The following ARID4B variants were observed in gnomAD, a reference collection of about 807,000 sequenced individuals.
ARID4B encodes AT-rich interaction domain 4B.
A neutral mutation model predicts 147.5 loss-of-function variants in ARID4B; 26 were observed. The observed-to-expected ratio is 0.18, with a 90% confidence interval of 0.13 to 0.24. The LOEUF (loss-of-function observed/expected upper bound fraction) is 0.24. Among genes scored for constraint, ARID4B ranks in the 10% least tolerant of loss-of-function variants. The pLI, the probability that ARID4B is intolerant of heterozygous loss-of-function variation, is 1.00. For synonymous variants in ARID4B, 512 were observed against 507.9 expected, an observed-to-expected ratio of 1.01 and a Z score of -0.11; for missense variants, 1,179 against 1,511.5, an observed-to-expected ratio of 0.78 and a Z score of 3.65.
Position 235,178,734 on chromosome 1 carries a change from T to A in ARID4B, c.3335-821A>T, listed in dbSNP as rs146836298. Among the ~76,000 whole-genome samples the A allele has an allele frequency of 2.9e-3, 448 of 152,266 alleles. 1 individual carries two copies. Among genetic ancestry groups the A allele is most frequent in the Non-Finnish European group, 4.3e-3 (293 of 68,018 alleles). On this transcript the variant is annotated intron_variant, in intron 20 of 23. Transcript: ENST00000264183. Reference sequence around the variant, plus strand: ...AAAGTAAGATTTTTTCTCCAGAGACTAATAAAGTACTATCTCCATTCAGTT... The same window carrying A: ...AAAGTAAGATTTTTTCTCCAGAGACAAATAAAGTACTATCTCCATTCAGTT...
Position 235,219,798 on chromosome 1 carries a change from T to C in ARID4B, c.1578A>G (p.Lys526=), listed in dbSNP as rs1404857340. 6.3e-7 allele frequency: 1 copy of C among 1,596,132 alleles called. No homozygotes were observed. Among genetic ancestry groups the C allele is most frequent in the East Asian group, 2.2e-5 (1 of 44,528 alleles). The change falls in exon 16 of 24, where the codon AAA becomes AAG. Residue 526 remains lysine, a synonymous_variant. Transcript: ENST00000264183. ...IKVEAEEEKA[K]SGDETNKEED... Reference sequence around the variant, plus strand: ...ACCAAAAACAATTTTCTTACCCAGATTTTGCTTTTTCTTCCTCAGCTTCTA... The same window carrying C: ...ACCAAAAACAATTTTCTTACCCAGACTTTGCTTTTTCTTCCTCAGCTTCTA...
chr1:235,303,485 G>GAA (rs1673331878), intron 2 of ARID4B, among the ~76,000 whole-genome samples: 1 of 151,528 alleles, frequency 6.6e-6, no homozygotes, highest in Admixed American at 6.6e-5. Context: ...GCACTTTGAG[G>GAA]GGCCAAGGCA....
chr1:235,246,756 A>G (rs543796988), intron 6 of ARID4B, among the ~76,000 whole-genome samples: 2 of 152,314 alleles, frequency 1.3e-5, no homozygotes, highest in East Asian at 1.9e-4. Context: ...TAGATGATTC[A>G]TTACCTATGT....
At chr1:235,320,985 T>G (rs1286184012) in intron 2 of ARID4B, among the ~76,000 whole-genome samples, 1 of 152,228 alleles carries the variant, frequency 6.6e-6, no homozygotes, top group Non-Finnish European at 1.5e-5. Context: ...TAGCATTATT[T>G]TTTTTCTTAA....
intron 7 of ARID4B, 90 bp from the exon 8 acceptor site, chr1:235,240,541 T>TA (rs1340149394): frequency 5.6e-5 from 69 of 1,234,114 alleles, no homozygotes; most frequent in Non-Finnish European, 7.9e-5. Flanking sequence ...AAACTCTTAT[T>TA]ACATTTCCTA....
intron 2 of ARID4B, among the ~76,000 whole-genome samples, chr1:235,266,299 T>C (rs898302123): frequency 3.3e-5 from 5 of 152,134 alleles, no homozygotes; most frequent in African/African-American, 1.2e-4. Flanking sequence ...CCCTGATAAA[T>C]ATGCATGTCT....
At chr1:235,268,017 G>A (rs1670730088) in intron 2 of ARID4B, among the ~76,000 whole-genome samples, 1 of 152,102 alleles carries the variant, frequency 6.6e-6, no homozygotes, top group South Asian at 2.1e-4. Flanking sequence ...TTTGTGAAGG[G>A]GTAAGGGTTG....
chr1:235,251,868 C>G (rs1360462246), intron 6 of ARID4B, among the ~76,000 whole-genome samples: 1 of 152,114 alleles, frequency 6.6e-6, no homozygotes, highest in African/African-American at 2.4e-5. Flanking sequence ...GAGTTAGTTA[C>G]AAAACTTTGT....
intron 17 of ARID4B, among the ~76,000 whole-genome samples, chr1:235,208,810 C>A (rs1666504137): frequency 6.6e-6 from 1 of 152,148 alleles, no homozygotes; most frequent in African/African-American, 2.4e-5. Flanking sequence ...AGCCACCGTG[C>A]CCGGCCGGCC....
chr1:235,246,291 A>G, intron 7 of ARID4B, 129 bp downstream of exon 7: 1 of 708,806 alleles, frequency 1.4e-6, no homozygotes. Flanking sequence ...GTCTGAAATT[A>G]CTATTAGATC....
In ARID4B at chr1:235,262,119, T is replaced by C. The variant is rs760124813; in HGVS notation, c.7-1367A>G. ...CATCCTACAGAAATCCCATAGAATA[T>C]AAAGTGAGAAATGCTGTTACGAGTA... On this transcript the variant is annotated intron_variant, in intron 2 of 23. Coordinates refer to ENST00000264183, the MANE Select transcript of ARID4B (RefSeq NM_016374.6). Among the ~76,000 whole-genome samples the C allele has an allele frequency of 3.0e-4, 46 of 152,084 alleles. 1 individual carries two copies. Among genetic ancestry groups the C allele is most frequent in the Non-Finnish European group, 1.0e-4 (7 of 68,008 alleles).
Position 235,327,998 on chromosome 1 carries a change from C to A in ARID4B, c.-279G>T, listed in dbSNP as rs947321536. 3.3e-5 allele frequency: 5 copies of A among 152,828 alleles called. No individual in the cohort carries two copies. In the East Asian group the frequency reaches 7.7e-4, roughly 24 times the overall value. The allele number at this position is 152,828 out of a possible 1,614,324, so 9.5% of individuals were successfully genotyped here. ...GAGGGGGACGACGAAAAATCCCCCC[C>A]GGACTGGAGGTCCGGGCCCCCAATC... is the stretch of plus-strand genomic sequence containing the variant. On this transcript the variant is annotated 5_prime_UTR_variant, in exon 1 of 24. Coordinates refer to ENST00000264183, the MANE Select transcript of ARID4B (RefSeq NM_016374.6).
intron 19 of ARID4B, among the ~76,000 whole-genome samples, chr1:235,193,723 T>G (rs550986403): frequency 4.6e-5 from 7 of 152,326 alleles, no homozygotes; most frequent in Admixed American, 4.6e-4. Flanking sequence ...ATACACTTTT[T>G]GAGTGCTGAC....
In ARID4B at chr1:235,225,289, C is replaced by T. The variant is rs570415249; in HGVS notation, c.898-514G>A. Among the ~76,000 whole-genome samples, 4 of 152,288 alleles carry T rather than the reference C, an allele frequency of 2.6e-5. No homozygotes were observed. In the South Asian group the frequency reaches 8.3e-4, roughly 32 times the overall value. On this transcript the variant is annotated intron_variant, in intron 11 of 23. Transcript: ENST00000264183. The stretch of plus-strand genomic sequence containing the variant: ...TGTATATACTTCAAGCTTACATAAT[C>T]AGTAAAGTGGGGAACAAATTTGATC...
intron 17 of ARID4B, among the ~76,000 whole-genome samples, chr1:235,213,396 A>C (rs1018197041): frequency 6.6e-6 from 1 of 152,226 alleles, no homozygotes; most frequent in Admixed American, 6.5e-5. Flanking sequence ...AAATGACTTC[A>C]GAATACAAAA....
At chr1:235,250,688 T>C (rs746152173) in intron 6 of ARID4B, among the ~76,000 whole-genome samples, 28 of 152,160 alleles carry the variant, frequency 1.8e-4, no homozygotes, top group Admixed American at 1.6e-3. Flanking sequence ...GGGAAGGGAA[T>C]TGAAGAATCA....
At chr1:235,188,980 A>C (rs529912465) in intron 19 of ARID4B, among the ~76,000 whole-genome samples, 77 of 152,326 alleles carry the variant, frequency 5.1e-4, no homozygotes, top group Admixed American at 8.5e-4. Flanking sequence ...AAAAACCAAA[A>C]ATTATAAAAT....
intron 2 of ARID4B, among the ~76,000 whole-genome samples, chr1:235,311,530 T>C (rs1674050590): frequency 6.6e-6 from 1 of 151,910 alleles, no homozygotes; most frequent in African/African-American, 2.4e-5. Context: ...CACCTGTACT[T>C]TGGGAGGTCG....
In ARID4B at chr1:235,233,271, A is replaced by C. The variant is rs553456266; in HGVS notation, c.665+1142T>G. Among the ~76,000 whole-genome samples, 20 of 152,180 alleles carry C rather than the reference A, an allele frequency of 1.3e-4. No homozygotes were observed. The South Asian group carries it at 3.9e-3, about 30-fold the overall frequency. On this transcript the variant is annotated intron_variant, in intron 9 of 23. Transcript: ENST00000264183. ...GAGACCAGCCTGGCCAACATGGTGA[A>C]ACCTTATCACTACAAAAAATACAAA...
Sources: allele counts gnomAD v4.1 joint callset (sites outside exome capture counted in the v4.1 genomes callset), GRCh38; gene constraint gnomAD v4.1.1; transcripts MANE v1.5; gene names NCBI Gene and HGNC (gene_info 2026-07-23, HGNC 2026-07-21).